The following NRG3 variants were observed in gnomAD, a reference collection of about 807,000 sequenced individuals.
NRG3 encodes neuregulin 3, also known as pro-neuregulin-3, membrane-bound isoform.
NRG3 carries 31 observed loss-of-function variants against 66.9 expected under a neutral mutation model. The ratio of observed to expected loss-of-function variants is 0.46; its 90% confidence interval spans 0.35 to 0.63. The LOEUF is 0.63. Among genes scored for constraint, NRG3 ranks in the 20% least tolerant of loss-of-function variants. The pLI is 0.00. For synonymous variants in NRG3, 393 were observed against 359.4 expected (o/e 1.09, Z -1.06); for missense variants, 910 against 878.9 (o/e 1.04, Z -0.45).
intron 4 of NRG3, among the ~76,000 whole-genome samples, chr10:82,920,432 C>T (rs927297079): frequency 4.0e-5 from 6 of 151,876 alleles, no homozygotes; most frequent in Admixed American, 1.3e-4. Context: ...CTATTTAGAT[C>T]GACATATATA....
At chr10:82,204,690 A>G (rs1004580655) in intron 1 of NRG3, among the ~76,000 whole-genome samples, 4 of 152,144 alleles carry the variant, frequency 2.6e-5, no homozygotes, top group African/African-American at 9.7e-5. Flanking sequence ...ATTGCTAGGT[A>G]TAAAATTTGT....
chr10:82,685,683 C>T (rs1341996765), intron 2 of NRG3, among the ~76,000 whole-genome samples: 1 of 151,682 alleles, frequency 6.6e-6, no homozygotes, highest in Non-Finnish European at 1.5e-5. Flanking sequence ...TGTAGTAATA[C>T]TTAGTTTAAA....
At chr10:81,952,768 A>AT (rs1217942897) in intron 1 of NRG3, among the ~76,000 whole-genome samples, 67 of 151,042 alleles carry the variant, frequency 4.4e-4, no homozygotes, top group Middle Eastern at 3.4e-3. Context: ...CTGCCTGGCT[A>AT]TTTTTTTTTA....
At chr10:81,920,638 C>T (rs1158883593) in intron 1 of NRG3, among the ~76,000 whole-genome samples, 1 of 152,086 alleles carries the variant, frequency 6.6e-6, no homozygotes, top group African/African-American at 2.4e-5. Context: ...TGTAATTATG[C>T]CAACCCCAGA....
chr10:82,243,155 C>T (rs1480541579), intron 1 of NRG3, among the ~76,000 whole-genome samples: 1 of 152,088 alleles, frequency 6.6e-6, no homozygotes, highest in Non-Finnish European at 1.5e-5. Context: ...GAGACCCACT[C>T]CAAAGTTAAA....
chr10:82,485,129 T>C (rs555993305), intron 2 of NRG3, among the ~76,000 whole-genome samples: 2 of 152,172 alleles, frequency 1.3e-5, no homozygotes, highest in Non-Finnish European at 2.9e-5. Context: ...TCTGGAATGC[T>C]ACTGTGATAC....
intron 1 of NRG3, among the ~76,000 whole-genome samples, chr10:82,319,005 TGTTTATTTTG>T (rs1471558774): frequency 8.5e-5 from 13 of 152,178 alleles, no homozygotes; most frequent in Non-Finnish European, 5.9e-5. Flanking sequence ...CTCCCAAACA[TGTTTATTTTG>T]GTCTAATACA....
At chr10:82,702,133 C>T (rs1007183308) in intron 2 of NRG3, among the ~76,000 whole-genome samples, 3 of 152,152 alleles carry the variant, frequency 2.0e-5, no homozygotes, top group African/African-American at 7.2e-5. Flanking sequence ...TGGGTCACAA[C>T]ACGATTGCCA....
chr10:82,909,742 G>A (rs1039979732), intron 4 of NRG3, among the ~76,000 whole-genome samples: 5 of 152,136 alleles, frequency 3.3e-5, no homozygotes, highest in African/African-American at 1.2e-4. Flanking sequence ...GATATTTGTT[G>A]AAAATGTCAA....
chr10:82,939,059 T>C (rs1010784574), intron 4 of NRG3, among the ~76,000 whole-genome samples: 17 of 152,194 alleles, frequency 1.1e-4, no homozygotes, highest in African/African-American at 4.1e-4. Flanking sequence ...TATAATTTAT[T>C]TGTGGAAGAA....
chr10:81,906,220 C>G (rs1844591937), intron 1 of NRG3, among the ~76,000 whole-genome samples: 2 of 152,038 alleles, frequency 1.3e-5, no homozygotes, highest in Non-Finnish European at 2.9e-5. Flanking sequence ...TCATCATCAT[C>G]ATCATCATCA....
At chr10:82,469,447 A>T (rs7918226) in intron 2 of NRG3, among the ~76,000 whole-genome samples, 1 of 151,948 alleles carries the variant, frequency 6.6e-6, no homozygotes, top group Non-Finnish European at 1.5e-5. Context: ...ACTTCAGGAG[A>T]CAGAGATGCC....
At chr10:82,495,262 T>G (rs1843513655) in intron 2 of NRG3, among the ~76,000 whole-genome samples, 1 of 152,128 alleles carries the variant, frequency 6.6e-6, no homozygotes, top group Non-Finnish European at 1.5e-5. Flanking sequence ...AATCATAGCT[T>G]TGAACAGTTG....
At chr10:82,089,611 G>A (rs1181865253) in intron 1 of NRG3, among the ~76,000 whole-genome samples, 6 of 152,134 alleles carry the variant, frequency 3.9e-5, no homozygotes, top group African/African-American at 1.4e-4. Flanking sequence ...TCTCAATCCA[G>A]TGACCTCTTT....
intron 4 of NRG3, among the ~76,000 whole-genome samples, chr10:82,885,906 C>G (rs1435895949): frequency 6.6e-6 from 1 of 151,826 alleles, no homozygotes; most frequent in Non-Finnish European, 1.5e-5. Context: ...GAGTCTCACT[C>G]TATTGCCCAG....
intron 1 of NRG3, among the ~76,000 whole-genome samples, chr10:81,950,600 C>T (rs1849264458): frequency 1.3e-5 from 2 of 152,172 alleles, no homozygotes; most frequent in Admixed American, 1.3e-4. Context: ...AGCCAAGCCT[C>T]ATTGTACGGG....
At chr10:82,024,574 G>T (rs1454755534) in intron 1 of NRG3, among the ~76,000 whole-genome samples, 3 of 151,970 alleles carry the variant, frequency 2.0e-5, no homozygotes, top group Non-Finnish European at 4.4e-5. Flanking sequence ...CAAAACTTAT[G>T]TATAAGTGGG....
At chr10:82,558,635 C>T (rs1019756397) in intron 2 of NRG3, among the ~76,000 whole-genome samples, 3 of 152,088 alleles carry the variant, frequency 2.0e-5, no homozygotes, top group African/African-American at 7.2e-5. Context: ...ACCTGATGTG[C>T]CAGAAATAAG....
chr10:82,677,150 C>T (rs1008439670), intron 2 of NRG3, among the ~76,000 whole-genome samples: 6 of 151,194 alleles, frequency 4.0e-5, no homozygotes, highest in Non-Finnish European at 5.9e-5. Context: ...ATCTCGGGCT[C>T]AAGCTATCCT....
Sources: allele counts gnomAD v4.1 joint callset (sites outside exome capture counted in the v4.1 genomes callset), GRCh38; gene constraint gnomAD v4.1.1; transcripts MANE v1.5; gene names NCBI Gene and HGNC (gene_info 2026-07-23, HGNC 2026-07-21).